The following SLCO1A2 variants were observed in gnomAD, a reference collection of about 807,000 sequenced individuals.
SLCO1A2 encodes the protein solute carrier organic anion transporter family member 1A2, also known as OATP-1.
In SLCO1A2, 67 loss-of-function variants were observed where a neutral mutation model predicts 69.0. That is an observed-to-expected ratio of 0.97 (90% CI 0.80 to 1.19). The LOEUF is 1.19. Ranked by LOEUF, SLCO1A2 falls within the 50% of genes most tolerant of loss-of-function variation. SLCO1A2 has a pLI of 0.00. For synonymous variants in SLCO1A2, 260 were observed against 265.9 expected, an observed-to-expected ratio of 0.98 and a Z score of 0.22; for missense variants, 787 against 793.7, an observed-to-expected ratio of 0.99 and a Z score of 0.10.
chr12:21,272,996 A>AGAT (rs1330664776), intron 14 of SLCO1A2, among the ~76,000 whole-genome samples: 29 of 152,278 alleles, frequency 1.9e-4, no homozygotes, highest in African/African-American at 7.0e-4. Flanking sequence ...TGCTAACAGA[A>AGAT]GATACAAGAC....
At chr12:21,328,111 G>A (rs138514988) in intron 2 of SLCO1A2, among the ~76,000 whole-genome samples, 28 of 152,242 alleles carry the variant, frequency 1.8e-4, no homozygotes, top group South Asian at 1.0e-3. Context: ...GCCTGCCACC[G>A]TGTAAGATAT....
intron 1 of SLCO1A2, among the ~76,000 whole-genome samples, chr12:21,387,343 A>T (rs1940930380): frequency 6.6e-6 from 1 of 152,198 alleles, no homozygotes; most frequent in Non-Finnish European, 1.5e-5. Context: ...CCTTCACAGC[A>T]GCCCCTCCCA....
intron 12 of SLCO1A2, among the ~76,000 whole-genome samples, chr12:21,284,251 A>C (rs116926792): frequency 2.0e-5 from 3 of 152,072 alleles, no homozygotes; most frequent in Non-Finnish European, 4.4e-5. Context: ...AAAAAGAATG[A>C]GGGGGAGGAG....
At chr12:21,413,018 G>A (rs2137208067) in intron 1 of SLCO1A2, among the ~76,000 whole-genome samples, 1 of 152,168 alleles carries the variant, frequency 6.6e-6, no homozygotes, top group South Asian at 2.1e-4. Flanking sequence ...TCATCTGTTA[G>A]AATTTCTATC....
At chr12:21,360,935 C>G (rs1246440446) in intron 2 of SLCO1A2, among the ~76,000 whole-genome samples, 2 of 152,132 alleles carry the variant, frequency 1.3e-5, no homozygotes, top group African/African-American at 4.8e-5. Context: ...GGCCTGCCTG[C>G]CTCTGTAGAC....
chr12:21,313,833 G>A (rs1447472101), intron 4 of SLCO1A2, among the ~76,000 whole-genome samples: 1 of 151,630 alleles, frequency 6.6e-6, no homozygotes, highest in Non-Finnish European at 1.5e-5. Context: ...AGCCAGGCAT[G>A]GTACCTGTAG....
At chr12:21,356,041 G>A (rs1387021007) in intron 2 of SLCO1A2, among the ~76,000 whole-genome samples, 1 of 151,856 alleles carries the variant, frequency 6.6e-6, no homozygotes, top group African/African-American at 2.4e-5. Flanking sequence ...ATCACAAAAG[G>A]CATCAAATAA....
intron 1 of SLCO1A2, among the ~76,000 whole-genome samples, chr12:21,390,378 G>A (rs1389374428): frequency 6.6e-6 from 1 of 151,884 alleles, no homozygotes; most frequent in African/African-American, 2.4e-5. Context: ...AGGAAAAGAA[G>A]GTAAACTTTT....
At chr12:21,377,462 C>T (rs1489714119) in intron 1 of SLCO1A2, among the ~76,000 whole-genome samples, 1 of 152,058 alleles carries the variant, frequency 6.6e-6, no homozygotes, top group African/African-American at 2.4e-5. Flanking sequence ...GCATGCAATA[C>T]ATTATTCTGG....
At chr12:21,408,939 A>C (rs991672963) in intron 1 of SLCO1A2, among the ~76,000 whole-genome samples, 3 of 152,084 alleles carry the variant, frequency 2.0e-5, no homozygotes, top group Non-Finnish European at 4.4e-5. Flanking sequence ...TGGTAGAATA[A>C]AACTTTCAAA....
At chr12:21,374,819 G>GTCTCTCTCTCTCTC (rs71043266) in intron 1 of SLCO1A2, among the ~76,000 whole-genome samples, 2 of 148,266 alleles carry the variant, frequency 1.3e-5, no homozygotes, top group African/African-American at 5.0e-5. Context: ...TTGAGACAGG[G>GTCTCTCTCTCTCTC]TCTCTCTCTC....
chr12:21,395,469 C>G (rs1252786707), upstream of SLCO1A2: 1 of 154,594 alleles, frequency 6.5e-6, no homozygotes, highest in African/African-American at 2.4e-5. Flanking sequence ...ATTGCCCAGG[C>G]TTGATTAGGT....
upstream of SLCO1A2, chr12:21,334,974 T>C: frequency 5.0e-6 from 1 of 200,894 alleles, no homozygotes; most frequent in Non-Finnish European, 9.9e-6. Context: ...TCTTGCAAAA[T>C]AATGGTCACA....
At chr12:21,380,822 C>G (rs1292978986) in intron 1 of SLCO1A2, among the ~76,000 whole-genome samples, 1 of 152,106 alleles carries the variant, frequency 6.6e-6, no homozygotes, top group Admixed American at 6.6e-5. Context: ...GAATGGGTAG[C>G]TAGGCAACCA....
intron 2 of SLCO1A2, chr12:21,355,153 G>A (rs770820760): frequency 3.3e-5 from 5 of 151,870 alleles, no homozygotes; most frequent in East Asian, 1.9e-4. Flanking sequence ...ATAATTTCCC[G>A]TGTTGGCAAT....
chr12:21,313,978 A>T (rs899098212), intron 4 of SLCO1A2, among the ~76,000 whole-genome samples: 6 of 102,362 alleles, frequency 5.9e-5, no homozygotes, highest in Non-Finnish European at 1.3e-4. Flanking sequence ...ATAATAATAA[A>T]TAATAAAAAA....
chr12:21,277,450 G>A (rs1044073650), intron 12 of SLCO1A2, among the ~76,000 whole-genome samples: 1 of 151,786 alleles, frequency 6.6e-6, no homozygotes, highest in Non-Finnish European at 1.5e-5. Context: ...GTATTGAGAT[G>A]AGACTCAGCA....
chr12:21,382,752 G>A (rs1186740920), intron 1 of SLCO1A2, among the ~76,000 whole-genome samples: 1 of 142,434 alleles, frequency 7.0e-6, no homozygotes, highest in Non-Finnish European at 1.5e-5. Context: ...CCAAGATCAT[G>A]CCACTACACT....
intron 1 of SLCO1A2, among the ~76,000 whole-genome samples, chr12:21,377,871 A>G (rs916110607): frequency 1.3e-5 from 2 of 152,148 alleles, no homozygotes; most frequent in Admixed American, 6.5e-5. Flanking sequence ...TTCAGATTAC[A>G]TATAAATTTT....
Sources: allele counts gnomAD v4.1 joint callset (sites outside exome capture counted in the v4.1 genomes callset), GRCh38; gene constraint gnomAD v4.1.1; transcripts MANE v1.5; gene names NCBI Gene and HGNC (gene_info 2026-07-23, HGNC 2026-07-21).